The following NRG2 variants were observed in gnomAD, a reference collection of about 807,000 sequenced individuals.
NRG2 encodes the protein neuregulin 2, also known as pro-neuregulin-2, membrane-bound isoform.
NRG2 carries 27 observed loss-of-function variants against 73.9 expected under a neutral mutation model. That is an observed-to-expected ratio of 0.37 (90% CI 0.27 to 0.50). NRG2 has a LOEUF of 0.50. Ranked by LOEUF, NRG2 falls within the 20% of genes least tolerant of loss-of-function variation. The probability of loss-of-function intolerance (pLI) is 0.96; values close to 1 mark genes in which losing one functional copy is unlikely to be tolerated. For missense variants in NRG2, 1,126 were observed against 1,210.1 expected, an observed-to-expected ratio of 0.93 and a Z score of 1.03; for synonymous variants, 532 against 541.0, an observed-to-expected ratio of 0.98 and a Z score of 0.23.
Position 139,848,719 on chromosome 5 carries a change from T to TGGGCCA in NRG2, c.1773-28_1773-23dup, listed in dbSNP as rs755607217. 74 of 1,190,794 alleles carry TGGGCCA rather than the reference T, an allele frequency of 6.2e-5. No homozygotes were observed. In the South Asian group the frequency reaches 6.7e-4, roughly 11 times the overall value. 73.8% of individuals were successfully genotyped at this position (1,190,794 alleles called of 1,614,324 possible). On this transcript the variant is annotated intron_variant, in intron 9 of 9. Transcript: ENST00000361474. ...GTACCTGCGGGGAGAGGCAGAGGCA[T>TGGGCCA]GGGCCAGGGCCAGGCCGGGCCGGCG...
chr5:139,864,821 C>T (rs1164142455), intron 5 of NRG2, among the ~76,000 whole-genome samples: 4 of 152,114 alleles, frequency 2.6e-5, no homozygotes, highest in Admixed American at 2.0e-4. Flanking sequence ...GCCTTCGGAG[C>T]AGGGGAGGGC....
chr5:139,896,631 T>C (rs547687505), intron 1 of NRG2, among the ~76,000 whole-genome samples: 9 of 152,328 alleles, frequency 5.9e-5, no homozygotes, highest in Non-Finnish European at 8.8e-5. Flanking sequence ...TCTTCCAAGA[T>C]TGCTCCTTCT....
chr5:139,879,397 T>C (rs1763384638), intron 3 of NRG2, among the ~76,000 whole-genome samples: 1 of 152,130 alleles, frequency 6.6e-6, no homozygotes, highest in Non-Finnish European at 1.5e-5. Flanking sequence ...TGGGTTGGGA[T>C]GGTCAAGGAG....
In NRG2 at chr5:140,028,996, T is replaced by C. The variant is rs185023773; in HGVS notation, c.700+13374A>G. ...CCAGATGAAATTCCAGCCAGAATTA[T>C]ATGCTTGACATGTCAGAGAAGAAAC... is the stretch of plus-strand genomic sequence containing the variant. On this transcript the variant is annotated intron_variant, in intron 1 of 9. Transcript: ENST00000361474. 2.8e-3 allele frequency among the ~76,000 whole-genome samples: 426 copies of C among 152,318 alleles called. 1 individual carries two copies. Among genetic ancestry groups the C allele is most frequent in the Admixed American group, 8.4e-3 (129 of 15,296 alleles).
At chr5:139,871,697 T>C in intron 4 of NRG2, 24 bp downstream of exon 4, 3 of 1,613,450 alleles carry the variant, frequency 1.9e-6, no homozygotes, top group Non-Finnish European at 2.5e-6. Flanking sequence ...CTTGCTCCCA[T>C]GCCCACCCCT....
At chr5:139,896,352 G>C (rs1764540278) in intron 1 of NRG2, among the ~76,000 whole-genome samples, 2 of 152,208 alleles carry the variant, frequency 1.3e-5, no homozygotes, top group Admixed American at 1.3e-4. Flanking sequence ...GCCTGATGCA[G>C]AGCAGGAACA....
intron 1 of NRG2, among the ~76,000 whole-genome samples, chr5:139,983,637 G>A (rs572039298): frequency 3.9e-5 from 6 of 152,190 alleles, no homozygotes; most frequent in Non-Finnish European, 7.3e-5. Context: ...TCACAGACAC[G>A]CAATTTCATT....
intron 1 of NRG2, among the ~76,000 whole-genome samples, chr5:139,973,644 G>A (rs935991954): frequency 2.0e-5 from 3 of 152,188 alleles, no homozygotes; most frequent in Admixed American, 6.5e-5. Flanking sequence ...TTACAGGTGT[G>A]AGCCACCGCG....
intron 5 of NRG2, among the ~76,000 whole-genome samples, chr5:139,859,137 A>G (rs3756676): frequency 0.063 from 9,600 of 152,070 alleles, 795 homozygotes; most frequent in African/African-American, 0.19. Flanking sequence ...CACTAACCCC[A>G]TAAAGTCCCT....
chr5:139,982,683 C>A (rs974965721), intron 1 of NRG2, among the ~76,000 whole-genome samples: 1 of 152,212 alleles, frequency 6.6e-6, no homozygotes, highest in Admixed American at 6.5e-5. Flanking sequence ...TGCCTCAGGG[C>A]AGCTCAGAAA....
intron 5 of NRG2, among the ~76,000 whole-genome samples, chr5:139,863,646 C>T (rs905758286): frequency 2.0e-5 from 3 of 152,260 alleles, no homozygotes; most frequent in African/African-American, 7.2e-5. Context: ...TCTCTTGCCC[C>T]TGGCCCCCAG....
At chr5:139,963,989 A>T (rs1337679401) in intron 1 of NRG2, among the ~76,000 whole-genome samples, 1 of 152,212 alleles carries the variant, frequency 6.6e-6, no homozygotes, top group Non-Finnish European at 1.5e-5. Context: ...GGAAAAAAGA[A>T]CAAGAGAAAA....
chr5:139,970,885 C>A (rs75868541), intron 1 of NRG2, among the ~76,000 whole-genome samples: 1 of 152,184 alleles, frequency 6.6e-6, no homozygotes, highest in Non-Finnish European at 1.5e-5. Flanking sequence ...ATCCATGAAA[C>A]CTTTCCAAAC....
intron 4 of NRG2, among the ~76,000 whole-genome samples, chr5:139,866,381 T>C (rs574476527): frequency 6.6e-6 from 1 of 152,328 alleles, no homozygotes; most frequent in South Asian, 2.1e-4. Flanking sequence ...ATGTTGTTTT[T>C]TGAGGAACCC....
chr5:140,041,518 T>C (rs1761914154), intron 1 of NRG2, among the ~76,000 whole-genome samples: 1 of 152,156 alleles, frequency 6.6e-6, no homozygotes, highest in Admixed American at 6.5e-5. Flanking sequence ...TGCATTCCTG[T>C]GCAGCATCCA....
intron 1 of NRG2, among the ~76,000 whole-genome samples, chr5:139,934,439 T>C (rs1232706969): frequency 1.3e-5 from 2 of 152,132 alleles, no homozygotes; most frequent in Non-Finnish European, 2.9e-5. Flanking sequence ...GAAGATAGAC[T>C]GGTAAGTTGA....
intron 1 of NRG2, among the ~76,000 whole-genome samples, chr5:140,036,302 A>G (rs1761500919): frequency 6.6e-6 from 1 of 152,222 alleles, no homozygotes; most frequent in Admixed American, 6.5e-5. Context: ...ATCACACTCC[A>G]TAAGTGCAAA....
intron 1 of NRG2, among the ~76,000 whole-genome samples, chr5:139,930,533 G>C (rs181577316): frequency 4.3e-4 from 66 of 152,312 alleles, no homozygotes; most frequent in African/African-American, 1.4e-3. Flanking sequence ...GGTTCCCTTT[G>C]GTTTGTGTTT....
At chr5:139,930,856 A>G (rs185730456) in intron 1 of NRG2, among the ~76,000 whole-genome samples, 1 of 152,344 alleles carries the variant, frequency 6.6e-6, no homozygotes, top group East Asian at 1.9e-4. Flanking sequence ...TGCAGGGAAC[A>G]TTGGGCCACC....
Sources: allele counts gnomAD v4.1 joint callset (sites outside exome capture counted in the v4.1 genomes callset), GRCh38; gene constraint gnomAD v4.1.1; transcripts MANE v1.5; gene names NCBI Gene and HGNC (gene_info 2026-07-23, HGNC 2026-07-21).